The following NXPE4 variants were observed in gnomAD, a reference collection of about 807,000 sequenced individuals.
NXPE4 encodes the protein NXPE family member 4.
Under a neutral mutation model 33.3 loss-of-function variants are expected in NXPE4, and 42 were observed. The observed-to-expected ratio is 1.26, with a 90% CI of 0.98 to 1.63. The LOEUF (loss-of-function observed/expected upper bound fraction) is 1.63. Among genes scored for constraint, NXPE4 ranks in the 40% most tolerant of loss-of-function variants. The pLI is 0.00. For synonymous variants in NXPE4, 253 were observed against 234.9 expected (o/e 1.08, Z -0.71); for missense variants, 709 against 647.6 (o/e 1.09, Z -1.03).
the NXPE4 span, among the ~76,000 whole-genome samples, chr11:114,609,803 T>A: frequency 3.5e-4 from 53 of 151,564 alleles, no homozygotes; most frequent in African/African-American, 1.2e-3. Context: ...TGATGGATAA[T>A]AAGCATTGCC....
At position 114,580,252 on chromosome 11, in the gene NXPE4, G is replaced by A. The variant is rs1380917388; in HGVS notation, c.979C>T (p.Pro327Ser). The change falls in exon 5 of 6, where the codon CCT becomes TCT. Residue 327 changes from proline to serine, a missense_variant. By Grantham distance (74) the Pro-to-Ser change is moderately conservative. Coordinates refer to ENST00000375478, the MANE Select transcript of NXPE4 (RefSeq NM_001077639.2). ...SGHVWRNTWN[P>S]VSCSLATVKM... ...ACTGTAGCCAAACTACAGGAGACAG[G>A]ATTCCATGTGTTTCTCCAGACATGC... 1 of 1,614,010 alleles carries A rather than the reference G, an allele frequency of 6.2e-7. No individual in the cohort carries two copies. The highest frequency in any genetic ancestry group is 8.5e-7 in the Non-Finnish European group (1 of 1,179,892).
At chr11:114,609,245 C>T in the NXPE4 span, among the ~76,000 whole-genome samples, 1 of 151,428 alleles carries the variant, frequency 6.6e-6, no homozygotes, top group African/African-American at 2.4e-5. Flanking sequence ...ACCACTCTTA[C>T]CCAGTGGTTA....
chr11:114,671,873 G>C, the NXPE4 span, among the ~76,000 whole-genome samples: 1 of 151,990 alleles, frequency 6.6e-6, no homozygotes, highest in Non-Finnish European at 1.5e-5. Context: ...ATATTAGTCT[G>C]TTCTCACACT....
chr11:114,591,182 A>G (rs1565338496), intron 2 of NXPE4, among the ~76,000 whole-genome samples: 1 of 152,194 alleles, frequency 6.6e-6, no homozygotes, highest in Non-Finnish European at 1.5e-5. Context: ...GCACCTCTCT[A>G]TCCAGGCACA....
chr11:114,650,789 C>A, the NXPE4 span, among the ~76,000 whole-genome samples: 18 of 151,780 alleles, frequency 1.2e-4, no homozygotes, highest in African/African-American at 4.4e-4. Context: ...TCTGGAAAGA[C>A]TCTCTCTAAG....
rs755950047 is a variant in NXPE4, at chr11:114,582,335, G to A, written c.783C>T (p.Asn261=). 8.1e-6 allele frequency: 13 copies of A among 1,599,612 alleles called. No homozygotes were observed. Among genetic ancestry groups the A allele is most frequent in the African/African-American group, 2.7e-5 (2 of 74,198 alleles). Residue 261 remains asparagine (N), a synonymous_variant, in exon 3 of 6, where the codon AAC becomes AAT. Transcript: ENST00000375478. The part of the protein sequence containing the change: ...CAALTHMYSK[N]KKVSYLSKQE... ...GTTTGCTAAGATAAGAAACTTTCTT[G>A]TTCTTAGAATACATGTGAGTGAGTG...
the NXPE4 span, among the ~76,000 whole-genome samples, chr11:114,627,616 G>A: frequency 1.3e-5 from 2 of 151,052 alleles, no homozygotes; most frequent in South Asian, 2.1e-4. Context: ...ATCAACTAAC[G>A]AGCAAAATAA....
Position 114,582,702 on chromosome 11 carries a change from C to T in NXPE4, c.416G>A (p.Arg139Lys). The T allele has an allele frequency of 6.2e-7, 1 of 1,614,126 alleles. No homozygotes were observed. Among genetic ancestry groups the T allele is most frequent in the Admixed American group, 1.7e-5 (1 of 60,028 alleles). Residue 139 changes from arginine (R) to lysine (K), a missense_variant, in exon 3 of 6, where the codon AGG becomes AAG. Transcript: ENST00000375478. The part of the protein sequence containing the change: ...RRKQYGGDFL[R>K]ARMSSPALMA... ...CAGCGCTGGGGAAGACATCCTGGCC[C>T]TCAGGAAATCCCCGCCATATTGCTT...
the NXPE4 span, among the ~76,000 whole-genome samples, chr11:114,613,375 G>T: frequency 6.6e-6 from 1 of 151,666 alleles, no homozygotes; most frequent in African/African-American, 2.4e-5. Flanking sequence ...GTTACCCTGT[G>T]GAAAATAAGT....
chr11:114,631,436 C>G, the NXPE4 span, among the ~76,000 whole-genome samples: 1 of 147,498 alleles, frequency 6.8e-6, no homozygotes, highest in Non-Finnish European at 1.5e-5. Flanking sequence ...AAAAACCAAA[C>G]ACTGCATATT....
the NXPE4 span, among the ~76,000 whole-genome samples, chr11:114,623,390 T>C: frequency 6.6e-6 from 1 of 152,182 alleles, no homozygotes; most frequent in Non-Finnish European, 1.5e-5. Context: ...ATAATAAGTA[T>C]TGCGCAGTGG....
the NXPE4 span, among the ~76,000 whole-genome samples, chr11:114,639,285 A>G: frequency 2.0e-5 from 3 of 152,072 alleles, no homozygotes; most frequent in Non-Finnish European, 4.4e-5. Context: ...TGCAGGATAT[A>G]ATCTCCTGGT....
chr11:114,658,234 C>T, the NXPE4 span, among the ~76,000 whole-genome samples: 1 of 152,214 alleles, frequency 6.6e-6, no homozygotes, highest in Non-Finnish European at 1.5e-5. Flanking sequence ...CAAATACTGA[C>T]TCACTTTTGA....
the NXPE4 span, among the ~76,000 whole-genome samples, chr11:114,632,108 A>G: frequency 6.9e-6 from 1 of 144,780 alleles, no homozygotes; most frequent in Non-Finnish European, 1.5e-5. Flanking sequence ...AATGTAATAT[A>G]TAAATTATAT....
the NXPE4 span, among the ~76,000 whole-genome samples, chr11:114,657,326 G>T: frequency 1.3e-5 from 2 of 152,138 alleles, no homozygotes; most frequent in Admixed American, 6.5e-5. Context: ...AGGAGTCTGT[G>T]AACTTAGGTG....
the NXPE4 span, among the ~76,000 whole-genome samples, chr11:114,610,510 C>A: frequency 6.6e-6 from 1 of 151,726 alleles, no homozygotes; most frequent in African/African-American, 2.4e-5. Context: ...AGTGTTGCCT[C>A]ATGTGTAACC....
chr11:114,644,248 C>T, the NXPE4 span, among the ~76,000 whole-genome samples: 2 of 152,128 alleles, frequency 1.3e-5, no homozygotes, highest in African/African-American at 4.8e-5. Flanking sequence ...ACCTTTATTT[C>T]TTTCTCTTGC....
intron 3 of NXPE4, 53 bp from the exon 4 acceptor site, chr11:114,581,839 C>T: frequency 8.3e-7 from 1 of 1,204,904 alleles, no homozygotes. Context: ...AATCAGGAAA[C>T]ATACAGAAAC....
At chr11:114,617,374 T>C in the NXPE4 span, among the ~76,000 whole-genome samples, 3 of 152,116 alleles carry the variant, frequency 2.0e-5, no homozygotes, top group African/African-American at 7.2e-5. Flanking sequence ...TGGTAACCAC[T>C]GTTACCCGGT....
Sources: allele counts gnomAD v4.1 joint callset (sites outside exome capture counted in the v4.1 genomes callset), GRCh38; gene constraint gnomAD v4.1.1; transcripts MANE v1.5; gene names NCBI Gene and HGNC (gene_info 2026-07-23, HGNC 2026-07-21).